PHIP: variants seen among roughly 807,000 people sequenced by gnomAD.
The protein encoded by PHIP is PH-interacting protein.
In PHIP, 54 loss-of-function variants were observed where a neutral mutation model predicts 236.8. The observed-to-expected ratio is 0.23, with a 90% CI of 0.18 to 0.29. The LOEUF is 0.29. PHIP is among the 10% of genes least tolerant of loss of function. The pLI is 1.00. For synonymous variants in PHIP, 756 were observed against 718.9 expected, an observed-to-expected ratio of 1.05 and a Z score of -0.83; for missense variants, 1,370 against 2,190.8, an observed-to-expected ratio of 0.63 and a Z score of 7.48.
chr6:78,974,172 C>A (rs1339188962), intron 24 of PHIP, among the ~76,000 whole-genome samples: 1 of 152,082 alleles, frequency 6.6e-6, no homozygotes, highest in Non-Finnish European at 1.5e-5. Context: ...TTATAACAAA[C>A]TATCTCTCAG....
chr6:79,046,789 C>G (rs1376993408), intron 6 of PHIP, among the ~76,000 whole-genome samples: 5 of 151,592 alleles, frequency 3.3e-5, no homozygotes, highest in Non-Finnish European at 7.4e-5. Context: ...GGCAGAAGAA[C>G]AGCTTGAACC....
intron 9 of PHIP, among the ~76,000 whole-genome samples, chr6:79,023,256 G>GTTGT (rs1017656159): frequency 5.3e-5 from 8 of 152,112 alleles, no homozygotes; most frequent in Admixed American, 6.6e-5. Flanking sequence ...TGTTGTTGTT[G>GTTGT]TTGTTTGTTT....
chr6:78,991,218 G>T (rs771361443), intron 19 of PHIP, among the ~76,000 whole-genome samples: 4 of 152,014 alleles, frequency 2.6e-5, no homozygotes, highest in Non-Finnish European at 2.9e-5. Context: ...GATACTACTG[G>T]TTCCTGCTAT....
chr6:78,992,431 G>C (rs1365931651), intron 19 of PHIP, among the ~76,000 whole-genome samples: 1 of 151,756 alleles, frequency 6.6e-6, no homozygotes, highest in Non-Finnish European at 1.5e-5. Context: ...ATTAGTTTGT[G>C]TGTGTGTGTA....
rs1773383883 is a variant in PHIP at position 78,939,350 on chromosome 6, A to AT, written c.*1342dup. Reference sequence around the variant, plus strand: ...GGGTGTATATTGACATACCAGCATGATAAGGATACCGTAAAAAGTGCAGAA... The same window carrying AT: ...GGGTGTATATTGACATACCAGCATGATTAAGGATACCGTAAAAAGTGCAGAA... On this transcript the variant is annotated 3_prime_UTR_variant, in exon 40 of 40. Coordinates refer to ENST00000275034, the MANE Select transcript of PHIP (RefSeq NM_017934.7). The AT allele has an allele frequency of 6.6e-6, 1 of 151,778 alleles. No homozygotes were observed. The highest frequency in any genetic ancestry group is 1.5e-5 in the Non-Finnish European group (1 of 67,700). 9.4% of individuals were successfully genotyped at this position (151,778 alleles called of 1,614,324 possible). A position where few individuals can be genotyped will look rare whatever the true frequency, so the allele number is the denominator to read the frequency against.
Position 78,939,544 on chromosome 6 carries a change from GAA to G in PHIP, c.*1147_*1148del, listed in dbSNP as rs1254023610. The G allele has an allele frequency of 1.3e-5, 2 of 151,626 alleles. No homozygotes were observed. The highest frequency in any genetic ancestry group is 3.0e-5 in the Non-Finnish European group (2 of 67,702). 9.4% of individuals were successfully genotyped at this position (151,626 alleles called of 1,614,324 possible). On this transcript the variant is annotated 3_prime_UTR_variant, in exon 40 of 40. Coordinates refer to ENST00000275034, the MANE Select transcript of PHIP (RefSeq NM_017934.7). ...ATTCTACTGCTATCTAAAAAATCCT[GAA>G]AAAAGAATTTATACCTGGGTAATAG...
In PHIP at chr6:78,955,627, A is replaced by G. The variant is rs1766369705; in HGVS notation, c.3838T>C (p.Leu1280=). Residue 1280 remains leucine, a synonymous_variant, in exon 33 of 40, where the codon TTG becomes CTG. Coordinates refer to ENST00000275034, the MANE Select transcript of PHIP (RefSeq NM_017934.7). ...ATATTACATACCTCAGAATCAGACAAAACTTTCTTCTTCATTGAATTATAA... is the reference window on the plus strand; with the variant it reads ...ATATTACATACCTCAGAATCAGACAGAACTTTCTTCTTCATTGAATTATAA... ...PLYNSMKKKV[L]SDSEDEEKDA... 2.9e-6 allele frequency: 3 copies of G among 1,043,688 alleles called. No individual in the cohort carries two copies. Among genetic ancestry groups the G allele is most frequent in the Non-Finnish European group, 4.4e-6 (3 of 675,828 alleles). 64.7% of individuals were successfully genotyped at this position (1,043,688 alleles called of 1,614,324 possible).
At chr6:78,951,323 T>A (rs1220089867) in intron 35 of PHIP, among the ~76,000 whole-genome samples, 1 of 152,180 alleles carries the variant, frequency 6.6e-6, no homozygotes, top group Non-Finnish European at 1.5e-5. Context: ...CTCAATACAA[T>A]TCTGTTGAAT....
intron 6 of PHIP, among the ~76,000 whole-genome samples, chr6:79,044,355 T>TA (rs772830849): frequency 1.3e-5 from 2 of 152,158 alleles, no homozygotes; most frequent in Non-Finnish European, 2.9e-5. Context: ...TTAAGTTGGT[T>TA]ATATACCAAT....
At chr6:78,981,499 G>T (rs555978353) in intron 23 of PHIP, among the ~76,000 whole-genome samples, 10 of 152,048 alleles carry the variant, frequency 6.6e-5, no homozygotes, top group African/African-American at 2.2e-4. Flanking sequence ...ATACTTTGTT[G>T]CAACAACACA....
At chr6:79,053,375 C>T (rs970578844) in intron 6 of PHIP, among the ~76,000 whole-genome samples, 7 of 152,014 alleles carry the variant, frequency 4.6e-5, no homozygotes, top group African/African-American at 1.7e-4. Flanking sequence ...AGAAAACAGA[C>T]GAGACAAAAT....
chr6:79,058,803 A>G (rs1011667410), intron 6 of PHIP, among the ~76,000 whole-genome samples: 2 of 152,126 alleles, frequency 1.3e-5, no homozygotes, highest in Admixed American at 1.3e-4. Context: ...GGCCTGACTG[A>G]CAATGTACTG....
intron 23 of PHIP, among the ~76,000 whole-genome samples, chr6:78,980,614 G>A (rs1195114443): frequency 6.6e-6 from 1 of 151,872 alleles, no homozygotes; most frequent in Admixed American, 6.6e-5. Context: ...TTGGATGTGA[G>A]GAGTAAAATG....
chr6:78,985,614 G>A lies in PHIP; in HGVS notation c.2461-186C>T, dbSNP rs189315984. Among the ~76,000 whole-genome samples the A allele has an allele frequency of 3.5e-3, 540 of 152,298 alleles. 6 individuals are homozygous for A. The highest frequency in any genetic ancestry group is 0.012 in the African/African-American group (502 of 41,550). ...CCAACACTTTGAGAGGTCAAGGTGG[G>A]CAGATCACTTAAGGTTAGGGGTTCG... On this transcript the variant is annotated intron_variant, in intron 21 of 39. Coordinates refer to ENST00000275034, the MANE Select transcript of PHIP (RefSeq NM_017934.7).
intron 27 of PHIP, among the ~76,000 whole-genome samples, chr6:78,968,960 A>T (rs182769525): frequency 1.3e-5 from 2 of 152,158 alleles, no homozygotes; most frequent in Non-Finnish European, 2.9e-5. Flanking sequence ...CTTCTACTGA[A>T]TATTATTTGG....
chr6:78,950,789 C>A (rs1312463754), intron 35 of PHIP, among the ~76,000 whole-genome samples: 1 of 151,848 alleles, frequency 6.6e-6, no homozygotes, highest in African/African-American at 2.4e-5. Flanking sequence ...TCTCAAAGAA[C>A]CCAGCTTTCA....
chr6:79,033,145 C>T (rs1293087228), intron 7 of PHIP, among the ~76,000 whole-genome samples: 2 of 151,942 alleles, frequency 1.3e-5, no homozygotes, highest in East Asian at 3.9e-4. Context: ...TGCTGTCATC[C>T]AGACTTTGTA....
intron 7 of PHIP, among the ~76,000 whole-genome samples, chr6:79,030,662 CAAG>C (rs1771622955): frequency 6.6e-6 from 1 of 152,030 alleles, no homozygotes; most frequent in South Asian, 2.1e-4. Flanking sequence ...TCTGAAGCTA[CAAG>C]AAGAGGTTTA....
At chr6:78,965,868 T>G in intron 28 of PHIP, 77 bp downstream of exon 28, 1 of 1,202,526 alleles carries the variant, frequency 8.3e-7, no homozygotes, top group Non-Finnish European at 1.2e-6. Flanking sequence ...AAAAGAAGTC[T>G]CTTTATCTCT....
Sources: allele counts gnomAD v4.1 joint callset (sites outside exome capture counted in the v4.1 genomes callset), GRCh38; gene constraint gnomAD v4.1.1; transcripts MANE v1.5; gene names NCBI Gene and HGNC (gene_info 2026-07-23, HGNC 2026-07-21).